Variants in ANKRD44 observed in about 807,000 individuals in gnomAD.
ANKRD44 encodes the protein serine/threonine-protein phosphatase 6 regulatory ankyrin repeat subunit B.
Under a neutral mutation model 116.0 loss-of-function variants are expected in ANKRD44, and 35 were observed. The observed-to-expected ratio is 0.30, with a 90% CI of 0.23 to 0.40. ANKRD44 has a LOEUF of 0.40. Among genes scored for constraint, ANKRD44 ranks in the 10% least tolerant of loss-of-function variants. ANKRD44 has a pLI of 1.00. For missense variants in ANKRD44, 1,014 were observed against 1,242.6 expected (o/e 0.82, Z 2.77); for synonymous variants, 435 against 461.8 (o/e 0.94, Z 0.74).
At chr2:196,982,108 TTA>T (rs58816698), downstream of ANKRD44, among the ~76,000 whole-genome samples, 13 of 96,538 alleles carry the variant, frequency 1.3e-4, no homozygotes, top group African/African-American at 1.8e-4. Flanking sequence ...CTAAAAAAAA[TTA>T]TATATATATA....
intron 16 of ANKRD44, among the ~76,000 whole-genome samples, chr2:197,035,374 T>A (rs951540280): frequency 7.2e-5 from 11 of 152,134 alleles, no homozygotes; most frequent in African/African-American, 2.7e-4. Flanking sequence ...AAAGTGAGTA[T>A]GACTCAGGCT....
At position 196,987,074 on chromosome 2, in the gene ANKRD44, G is replaced by A. The variant is rs928012502; in HGVS notation, c.*2517C>T. The A allele has an allele frequency of 2.0e-6, 2 of 984,560 alleles. No homozygotes were observed. The highest frequency in any genetic ancestry group is 3.5e-5 in the African/African-American group (2 of 57,200). The allele number at this position is 984,560 out of a possible 1,614,324, so 61.0% of individuals were successfully genotyped here. On this transcript the variant is annotated 3_prime_UTR_variant, in exon 28 of 28. Coordinates refer to ENST00000282272, the MANE Select transcript of ANKRD44 (RefSeq NM_001195144.2). Reference sequence around the variant, plus strand: ...CAAAACTACCAAATAAAAGATATTTGCATTGAATTTTTAGATCACATAAGA... The same window carrying A: ...CAAAACTACCAAATAAAAGATATTTACATTGAATTTTTAGATCACATAAGA...
At chr2:197,218,276 C>T (rs1337499512) in intron 1 of ANKRD44, among the ~76,000 whole-genome samples, 1 of 152,158 alleles carries the variant, frequency 6.6e-6, no homozygotes, top group Non-Finnish European at 1.5e-5. Context: ...TCCAAATTCC[C>T]AGGAGCAGGT....
At chr2:197,173,999 C>G (rs1233333076) in intron 2 of ANKRD44, among the ~76,000 whole-genome samples, 1 of 152,126 alleles carries the variant, frequency 6.6e-6, no homozygotes, top group African/African-American at 2.4e-5. Context: ...CGCTACTGCA[C>G]TCCAGCCTGG....
chr2:197,089,272 C>T (rs1194957355), intron 11 of ANKRD44, among the ~76,000 whole-genome samples: 1 of 151,710 alleles, frequency 6.6e-6, no homozygotes, highest in Non-Finnish European at 1.5e-5. Flanking sequence ...AGGTAAAGTA[C>T]TTAAAGGAAA....
At chr2:197,148,457 A>C (rs1268802654) in intron 2 of ANKRD44, among the ~76,000 whole-genome samples, 1 of 152,212 alleles carries the variant, frequency 6.6e-6, no homozygotes, top group African/African-American at 2.4e-5. Context: ...TGTTAGTTTC[A>C]AGTTTCTTGG....
intron 1 of ANKRD44, among the ~76,000 whole-genome samples, chr2:197,285,597 T>TA: frequency 6.6e-6 from 1 of 152,210 alleles, no homozygotes; most frequent in Non-Finnish European, 1.5e-5. Context: ...CTTTATGACT[T>TA]ACTCCTACAA....
At chr2:197,269,160 C>T (rs2082823320) in intron 1 of ANKRD44, among the ~76,000 whole-genome samples, 2 of 152,054 alleles carry the variant, frequency 1.3e-5, no homozygotes, top group African/African-American at 4.8e-5. Context: ...TGCTCTCTTC[C>T]ACATGTATAG....
At chr2:197,238,772 T>G (rs1218989607) in intron 1 of ANKRD44, among the ~76,000 whole-genome samples, 2 of 151,908 alleles carry the variant, frequency 1.3e-5, no homozygotes, top group African/African-American at 4.8e-5. Context: ...TGGTACGATC[T>G]CAGCTCACTG....
chr2:197,289,538 A>G (rs2083501999), intron 1 of ANKRD44, among the ~76,000 whole-genome samples: 1 of 152,232 alleles, frequency 6.6e-6, no homozygotes, highest in Non-Finnish European at 1.5e-5. Context: ...ACTATTTAGC[A>G]ATAAGAAAGA....
At chr2:197,263,017 G>T in intron 1 of ANKRD44, 1 of 262,086 alleles carries the variant, frequency 3.8e-6, no homozygotes, top group South Asian at 4.3e-5. Flanking sequence ...ATATGCTCTG[G>T]TGCTGTCTGT....
chr2:197,205,875 AC>A (rs2081194699), intron 1 of ANKRD44, among the ~76,000 whole-genome samples: 2 of 152,326 alleles, frequency 1.3e-5, no homozygotes, highest in South Asian at 4.1e-4. Context: ...TGTAACATCT[AC>A]AGAGACCCAA....
At chr2:197,237,654 G>A (rs1176858951) in intron 1 of ANKRD44, among the ~76,000 whole-genome samples, 3 of 152,132 alleles carry the variant, frequency 2.0e-5, no homozygotes, top group Admixed American at 1.3e-4. Flanking sequence ...AGAGAATCGC[G>A]CACAGAAAAC....
chr2:197,076,494 G>C (rs1358429556), intron 16 of ANKRD44, among the ~76,000 whole-genome samples: 1 of 152,058 alleles, frequency 6.6e-6, no homozygotes, highest in African/African-American at 2.4e-5. Flanking sequence ...TTTAATACTT[G>C]TTTTGGGGTT....
In ANKRD44 at chr2:197,201,959, G is replaced by A. The variant is rs899656651; in HGVS notation, c.28-14853C>T. Among the ~76,000 whole-genome samples, 2 of 152,178 alleles carry A rather than the reference G, an allele frequency of 1.3e-5. No individual in the cohort carries two copies. The highest frequency in any genetic ancestry group is 2.9e-5 in the Non-Finnish European group (2 of 68,030). On this transcript the variant is annotated intron_variant, in intron 1 of 27. Transcript: ENST00000282272. The surrounding 1 kb of genome is among the most constrained non-coding windows in gnomAD (Gnocchi z 4.0). The stretch of plus-strand genomic sequence containing the variant: ...ACCTCATCACCATGTAACATTCCAA[G>A]GGTTTAAAATGCACAATACAATCAT...
chr2:197,181,035 G>A (rs1324972656), intron 2 of ANKRD44, among the ~76,000 whole-genome samples: 3 of 152,066 alleles, frequency 2.0e-5, no homozygotes, highest in Non-Finnish European at 2.9e-5. Flanking sequence ...AAGAATGGCA[G>A]CTGTAATAGG....
chr2:197,010,035 A>T (rs2076269335), intron 18 of ANKRD44, among the ~76,000 whole-genome samples: 1 of 151,930 alleles, frequency 6.6e-6, no homozygotes, highest in African/African-American at 2.4e-5. Context: ...GTGTGAGGGG[A>T]GCAGGAGCAG....
At chr2:196,992,643 T>C (rs1574230485) in intron 27 of ANKRD44, 1 of 151,848 alleles carries the variant, frequency 6.6e-6, no homozygotes, top group South Asian at 2.1e-4. Flanking sequence ...GGAAATGGAG[T>C]AATAGGGAAC....
chr2:197,081,503 TC>T, intron 15 of ANKRD44, 141 bp downstream of exon 15: 1 of 708,458 alleles, frequency 1.4e-6, no homozygotes, highest in Non-Finnish European at 2.5e-6. Flanking sequence ...AATAGTTTCT[TC>T]CCCATTAAAG....
Sources: gnomAD v4.1 joint callset for allele counts (sites outside exome capture counted in the v4.1 genomes callset) on GRCh38, gnomAD v4.1.1 for gene constraint, Gnocchi (gnomAD v3.1) non-coding constraint, MANE v1.5 for transcripts, NCBI Gene and HGNC (gene_info 2026-07-23, HGNC 2026-07-21) for gene names.